The following MACROD2 variants were observed in gnomAD, a reference collection of about 807,000 sequenced individuals.
MACROD2 encodes the protein ADP-ribose glycohydrolase MACROD2.
In MACROD2, 36 loss-of-function variants were observed where a neutral mutation model predicts 70.4. The observed-to-expected ratio is 0.51, with a 90% CI of 0.39 to 0.68. The LOEUF is 0.68. MACROD2 is among the 30% of genes least tolerant of loss of function. MACROD2 has a pLI of 0.00. For synonymous variants in MACROD2, 172 were observed against 178.8 expected (o/e 0.96, Z 0.30); for missense variants, 496 against 538.4 (o/e 0.92, Z 0.78).
intron 3 of MACROD2, among the ~76,000 whole-genome samples, chr20:14,091,681 G>A (rs1307322394): frequency 6.6e-6 from 1 of 151,942 alleles, no homozygotes; most frequent in Non-Finnish European, 1.5e-5. Context: ...ATCTTTTAAG[G>A]TTGCCTTTTT....
intron 3 of MACROD2, among the ~76,000 whole-genome samples, chr20:14,441,258 C>G (rs542194568): frequency 6.6e-6 from 1 of 152,260 alleles, no homozygotes; most frequent in East Asian, 1.9e-4. Context: ...AGTCCAGCCT[C>G]CTGGAGGATG....
chr20:14,796,117 T>A (rs1462908567), intron 5 of MACROD2, among the ~76,000 whole-genome samples: 1 of 152,116 alleles, frequency 6.6e-6, no homozygotes, highest in African/African-American at 2.4e-5. Flanking sequence ...ACAACTTTTG[T>A]CAAGTCTGAG....
intron 15 of MACROD2, among the ~76,000 whole-genome samples, chr20:16,022,656 C>A (rs1175456644): frequency 6.6e-6 from 1 of 152,146 alleles, no homozygotes; most frequent in African/African-American, 2.4e-5. Flanking sequence ...GGTTCCTGGA[C>A]CACATCTTGA....
intron 5 of MACROD2, among the ~76,000 whole-genome samples, chr20:15,075,365 C>T (rs113504765): frequency 1.5e-4 from 23 of 152,238 alleles, no homozygotes; most frequent in African/African-American, 5.3e-4. Flanking sequence ...AAACTAAAGG[C>T]ATTTAATGTT....
intron 6 of MACROD2, among the ~76,000 whole-genome samples, chr20:15,287,847 T>C (rs568464913): frequency 1.3e-5 from 2 of 152,348 alleles, no homozygotes; most frequent in South Asian, 4.1e-4. Context: ...GCTATTGGCA[T>C]TTGCCATTTT....
Position 15,301,591 on chromosome 20 carries a change from C to CTTTTTTTTTTTTTTTTTTTTTTTTTTTT in MACROD2, c.540+71553_540+71554insTTTTTTTTTTTTTTTTTTTTTTTTTTTT, listed in dbSNP as rs71340214. ...GGAAGTTAGTAAGATGGTAGGTGGC[C>CTTTTTTTTTTTTTTTTTTTTTTTTTTTT]TTTTTTTTTTTTTTTTTTTTTTTGT... On this transcript the variant is annotated intron_variant, in intron 6 of 17. Coordinates refer to ENST00000684519, the MANE Select transcript of MACROD2 (RefSeq NM_001351661.2). Among the ~76,000 whole-genome samples the CTTTTTTTTTTTTTTTTTTTTTTTTTTTT allele has an allele frequency of 2.2e-4, 18 of 81,250 alleles. 1 individual carries two copies. The highest frequency in any genetic ancestry group is 3.6e-4 in the Non-Finnish European group (15 of 41,964). 53.3% of individuals were successfully genotyped at this position (81,250 alleles called of 152,430 possible).
At chr20:15,286,304 A>G (rs1482709670) in intron 6 of MACROD2, among the ~76,000 whole-genome samples, 1 of 152,188 alleles carries the variant, frequency 6.6e-6, no homozygotes, top group Non-Finnish European at 1.5e-5. Flanking sequence ...ATTACCATGA[A>G]ATTAGTTTAT....
At chr20:15,213,806 T>G (rs1284487795) in intron 5 of MACROD2, among the ~76,000 whole-genome samples, 1 of 152,162 alleles carries the variant, frequency 6.6e-6, no homozygotes, top group Non-Finnish European at 1.5e-5. Context: ...GAAAGCCACA[T>G]TTATCAGAAG....
intron 5 of MACROD2, among the ~76,000 whole-genome samples, chr20:14,875,784 G>C (rs2073543786): frequency 6.6e-6 from 1 of 152,000 alleles, no homozygotes; most frequent in South Asian, 2.1e-4. Flanking sequence ...ATGACCTCTA[G>C]TTGCATCCAT....
At chr20:14,306,675 G>A (rs1276806761) in intron 3 of MACROD2, among the ~76,000 whole-genome samples, 6 of 152,052 alleles carry the variant, frequency 3.9e-5, no homozygotes, top group Non-Finnish European at 8.8e-5. Flanking sequence ...TCTAGGGAGA[G>A]GACAAGTTGT....
chr20:14,545,096 A>C (rs1279777799), intron 4 of MACROD2, among the ~76,000 whole-genome samples: 1 of 152,178 alleles, frequency 6.6e-6, no homozygotes, highest in Non-Finnish European at 1.5e-5. Flanking sequence ...TCACTCTCTG[A>C]GAGATGAAAT....
At chr20:14,992,901 T>C (rs2074917580) in intron 5 of MACROD2, among the ~76,000 whole-genome samples, 1 of 151,870 alleles carries the variant, frequency 6.6e-6, no homozygotes, top group South Asian at 2.1e-4. Context: ...ACGATAGCTT[T>C]CTAGGCTCTA....
intron 5 of MACROD2, among the ~76,000 whole-genome samples, chr20:14,986,894 T>C (rs544149793): frequency 6.6e-6 from 1 of 152,262 alleles, no homozygotes; most frequent in South Asian, 2.1e-4. Context: ...TGAAGTACGA[T>C]TTGGCACGGA....
intron 3 of MACROD2, among the ~76,000 whole-genome samples, chr20:14,435,462 A>G (rs566622942): frequency 4.6e-5 from 7 of 152,284 alleles, no homozygotes; most frequent in Admixed American, 3.3e-4. Context: ...TAACGATCCC[A>G]GTGTTCACTG....
chr20:15,175,110 G>A (rs2076450310), intron 5 of MACROD2, among the ~76,000 whole-genome samples: 1 of 152,028 alleles, frequency 6.6e-6, no homozygotes, highest in African/African-American at 2.4e-5. Context: ...AAAAAATGAT[G>A]AGTTCATGTC....
chr20:14,970,197 C>T (rs1398134313), intron 5 of MACROD2, among the ~76,000 whole-genome samples: 1 of 152,128 alleles, frequency 6.6e-6, no homozygotes, highest in East Asian at 1.9e-4. Context: ...CCTTATACAA[C>T]CATCACCCCC....
At chr20:14,533,479 G>A (rs2085329987) in intron 4 of MACROD2, among the ~76,000 whole-genome samples, 1 of 152,032 alleles carries the variant, frequency 6.6e-6, no homozygotes, top group South Asian at 2.1e-4. Context: ...AAATGTTTAG[G>A]AAAATAAATG....
chr20:14,576,266 G>C (rs1455285459), intron 4 of MACROD2, among the ~76,000 whole-genome samples: 3 of 152,158 alleles, frequency 2.0e-5, no homozygotes, highest in Non-Finnish European at 4.4e-5. Context: ...GTTTTGATGT[G>C]ATTTGATGGC....
At chr20:14,143,622 ATTTTC>A (rs2054905775) in intron 3 of MACROD2, among the ~76,000 whole-genome samples, 1 of 151,992 alleles carries the variant, frequency 6.6e-6, no homozygotes, top group Admixed American at 6.6e-5. Flanking sequence ...ATTTCTGACC[ATTTTC>A]TTTAATTGAA....
Sources: gnomAD v4.1 joint callset for allele counts (sites outside exome capture counted in the v4.1 genomes callset) on GRCh38, gnomAD v4.1.1 for gene constraint, MANE v1.5 for transcripts, NCBI Gene and HGNC (gene_info 2026-07-23, HGNC 2026-07-21) for gene names.